The following SOX5 variants were observed in gnomAD, a reference collection of about 807,000 sequenced individuals.
The protein encoded by SOX5 is transcription factor SOX-5.
In SOX5, 9 loss-of-function variants were observed where a neutral mutation model predicts 92.0. The observed-to-expected ratio is 0.10, with a 90% CI of 0.06 to 0.17. SOX5 has a LOEUF of 0.17. Among genes scored for constraint, SOX5 ranks in the 10% least tolerant of loss-of-function variants. The pLI is 1.00. For synonymous variants in SOX5, 344 were observed against 336.3 expected, an observed-to-expected ratio of 1.02 and a Z score of -0.25; for missense variants, 642 against 944.5, an observed-to-expected ratio of 0.68 and a Z score of 4.20.
rs553698641 is a variant in SOX5 at position 23,593,668 on chromosome 12, A to T, written c.1164+10719T>A. Among the ~76,000 whole-genome samples, 13 of 152,292 alleles carry T rather than the reference A, an allele frequency of 8.5e-5. No homozygotes were observed. In the East Asian group the frequency reaches 2.5e-3, roughly 29 times the overall value. ...AATATTAAGTGCTTTAAGAAAGTAC[A>T]TGTTTAAATAAATGATATAATTTTT... On this transcript the variant is annotated intron_variant, in intron 9 of 14. Coordinates refer to ENST00000451604, the MANE Select transcript of SOX5 (RefSeq NM_006940.6).
chr12:23,656,279 C>T (rs2082293969), intron 7 of SOX5, among the ~76,000 whole-genome samples: 1 of 151,922 alleles, frequency 6.6e-6, no homozygotes, highest in South Asian at 2.1e-4. Context: ...ACTTGGGCCA[C>T]TCCATTTTGA....
intron 4 of SOX5, among the ~76,000 whole-genome samples, chr12:24,149,777 C>T (rs1255804041): frequency 6.6e-6 from 1 of 152,010 alleles, no homozygotes; most frequent in Non-Finnish European, 1.5e-5. Context: ...TATTTATCAA[C>T]AGATGAATAA....
intron 6 of SOX5, 79 bp from the exon 7 acceptor site, chr12:23,665,643 T>G: frequency 6.8e-7 from 1 of 1,463,880 alleles, no homozygotes; most frequent in Non-Finnish European, 9.2e-7. Context: ...TATTTCATGA[T>G]AAAAGAAAAT....
intron 1 of SOX5, among the ~76,000 whole-genome samples, chr12:24,471,120 A>T (rs1280980859): frequency 1.3e-5 from 2 of 152,172 alleles, no homozygotes; most frequent in Non-Finnish European, 2.9e-5. Context: ...TGAGGTTAAG[A>T]TAGTTGCTAT....
intron 3 of SOX5, among the ~76,000 whole-genome samples, chr12:24,218,648 C>T (rs1270554202): frequency 6.6e-6 from 1 of 152,102 alleles, no homozygotes; most frequent in African/African-American, 2.4e-5. Context: ...TATAACTCAA[C>T]AAACAAGTCT....
At chr12:24,179,987 G>T (rs575534981) in intron 4 of SOX5, among the ~76,000 whole-genome samples, 3 of 149,712 alleles carry the variant, frequency 2.0e-5, no homozygotes, top group Non-Finnish European at 4.4e-5. Context: ...TCACTCCATT[G>T]CCCAGGTTAT....
chr12:23,707,926 G>A (rs1257779201), intron 6 of SOX5, among the ~76,000 whole-genome samples: 3 of 152,084 alleles, frequency 2.0e-5, no homozygotes, highest in Non-Finnish European at 2.9e-5. Flanking sequence ...AGGTCGGAAA[G>A]CTGAGGATTT....
chr12:24,534,835 T>C (rs371153848), intron 1 of SOX5, among the ~76,000 whole-genome samples: 1 of 152,210 alleles, frequency 6.6e-6, no homozygotes, highest in Non-Finnish European at 1.5e-5. Context: ...ACGGGCATTC[T>C]GAGAACACAT....
At chr12:24,010,441 G>A (rs74448813) in intron 4 of SOX5, among the ~76,000 whole-genome samples, 4,067 of 152,232 alleles carry the variant, frequency 0.027, 96 homozygotes, top group Middle Eastern at 0.078. Context: ...TCTGATCCCC[G>A]TAAGAAAAAT....
intron 2 of SOX5, among the ~76,000 whole-genome samples, chr12:24,318,317 T>C (rs1949898512): frequency 6.6e-6 from 1 of 152,182 alleles, no homozygotes. Flanking sequence ...GTGTGTGTGA[T>C]TTCTGGGACA....
chr12:23,612,913 G>A (rs578124333), intron 8 of SOX5, among the ~76,000 whole-genome samples: 2 of 152,282 alleles, frequency 1.3e-5, no homozygotes, highest in South Asian at 2.1e-4. Context: ...GGAGTTTAAA[G>A]AGAAACTAAT....
At chr12:23,590,273 G>C (rs1326377217) in intron 9 of SOX5, among the ~76,000 whole-genome samples, 1 of 151,878 alleles carries the variant, frequency 6.6e-6, no homozygotes, top group Non-Finnish European at 1.5e-5. Flanking sequence ...GAGGTAGGTG[G>C]GGCTAGATTG....
At chr12:24,001,587 T>G (rs1033031703) in intron 4 of SOX5, among the ~76,000 whole-genome samples, 5 of 151,980 alleles carry the variant, frequency 3.3e-5, no homozygotes, top group African/African-American at 9.7e-5. Context: ...TCCGAGTACT[T>G]TGAGAGGCAA....
intron 1 of SOX5, among the ~76,000 whole-genome samples, chr12:24,487,185 A>G (rs997095922): frequency 6.6e-6 from 1 of 152,196 alleles, no homozygotes; most frequent in Non-Finnish European, 1.5e-5. Flanking sequence ...TGATCAAAGA[A>G]GTTAATATAA....
At chr12:24,019,859 A>C (rs1406700194) in intron 4 of SOX5, among the ~76,000 whole-genome samples, 1 of 152,164 alleles carries the variant, frequency 6.6e-6, no homozygotes, top group Non-Finnish European at 1.5e-5. Flanking sequence ...TTTCCCTCTT[A>C]AACTACGAGA....
At chr12:23,838,143 T>C (rs1029230912) in intron 3 of SOX5, among the ~76,000 whole-genome samples, 1 of 142,260 alleles carries the variant, frequency 7.0e-6, no homozygotes, top group South Asian at 2.1e-4. Context: ...TTATATTACA[T>C]ATATTTATAT....
At chr12:24,106,261 G>A (rs187401940) in intron 4 of SOX5, among the ~76,000 whole-genome samples, 21 of 150,988 alleles carry the variant, frequency 1.4e-4, no homozygotes, top group African/African-American at 4.8e-4. Context: ...CAATCAAAAT[G>A]GGCAAAATAT....
chr12:24,559,386 A>G (rs1954117627), intron 1 of SOX5, among the ~76,000 whole-genome samples: 1 of 152,202 alleles, frequency 6.6e-6, no homozygotes, highest in Non-Finnish European at 1.5e-5. Context: ...ACAGTATTCA[A>G]CATTAGAACT....
chr12:24,475,039 T>C (rs1034449959), intron 1 of SOX5, among the ~76,000 whole-genome samples: 1 of 152,002 alleles, frequency 6.6e-6, no homozygotes, highest in African/African-American at 2.4e-5. Flanking sequence ...TTACTAGAGA[T>C]GGGGTTTCAC....
Sources: gnomAD v4.1 joint callset for allele counts (sites outside exome capture counted in the v4.1 genomes callset) on GRCh38, gnomAD v4.1.1 for gene constraint, MANE v1.5 for transcripts, NCBI Gene and HGNC (gene_info 2026-07-23, HGNC 2026-07-21) for gene names.